Variants in IFT81 observed in about 807,000 individuals in gnomAD.
IFT81 encodes the protein intraflagellar transport protein 81 homolog.
Under a neutral mutation model 102.6 loss-of-function variants are expected in IFT81, and 72 were observed. The observed-to-expected ratio is 0.70, with a 90% CI of 0.58 to 0.85. The LOEUF is 0.85. IFT81 is among the 40% of genes least tolerant of loss of function. The pLI is 0.00. For synonymous variants in IFT81, 237 were observed against 242.7 expected (o/e 0.98, Z 0.22); for missense variants, 723 against 787.3 (o/e 0.92, Z 0.98).
At chr12:110,127,906 G>T in intron 2 of IFT81, 140 bp from the exon 3 acceptor site, 1 of 623,044 alleles carries the variant, frequency 1.6e-6, no homozygotes. Context: ...CTTGGAATCT[G>T]GGGGCCTCCA....
At position 110,127,538 on chromosome 12, in the gene IFT81, C is replaced by G. The variant is rs553406226; in HGVS notation, c.144+14C>G. 12 of 1,576,796 alleles carry G rather than the reference C, an allele frequency of 7.6e-6. No homozygotes were observed. In the African/African-American group the frequency reaches 1.1e-4, roughly 14 times the overall value. On this transcript the variant is annotated intron_variant, in intron 2 of 18. Coordinates refer to ENST00000242591, the MANE Select transcript of IFT81 (RefSeq NM_014055.4). Reference sequence around the variant, plus strand: ...ATTGACCCAAAGGTAAGAGTTTTCTCTTTCTTTTTGATGGGTAGCAGAAAG... The same window carrying G: ...ATTGACCCAAAGGTAAGAGTTTTCTGTTTCTTTTTGATGGGTAGCAGAAAG...
chr12:110,183,371 A>T (rs1192886772), intron 12 of IFT81, among the ~76,000 whole-genome samples: 1 of 152,188 alleles, frequency 6.6e-6, no homozygotes, highest in Non-Finnish European at 1.5e-5. Flanking sequence ...TCCTCAAGGG[A>T]TGATTCCTTA....
At chr12:110,185,792 G>A (rs1897503184) in intron 12 of IFT81, among the ~76,000 whole-genome samples, 1 of 151,666 alleles carries the variant, frequency 6.6e-6, no homozygotes, top group African/African-American at 2.4e-5. Context: ...CAGACATGGG[G>A]TCTCACTATG....
At chr12:110,154,903 T>C (rs545766364) in intron 10 of IFT81, among the ~76,000 whole-genome samples, 20 of 151,394 alleles carry the variant, frequency 1.3e-4, no homozygotes, top group Non-Finnish European at 2.8e-4. Flanking sequence ...AGTTGATTTA[T>C]TTTGTTGTTT....
chr12:110,151,987 CCTT>C (rs1434690854), intron 10 of IFT81, among the ~76,000 whole-genome samples: 1 of 152,100 alleles, frequency 6.6e-6, no homozygotes, highest in Non-Finnish European at 1.5e-5. Flanking sequence ...GACAGGATTT[CCTT>C]CTTTTTTAAG....
chr12:110,170,784 T>C (rs552032655), intron 11 of IFT81, among the ~76,000 whole-genome samples: 2 of 152,228 alleles, frequency 1.3e-5, no homozygotes, highest in Non-Finnish European at 2.9e-5. Flanking sequence ...CTCAGCTGTT[T>C]TGTAGTTACA....
chr12:110,135,971 T>G (rs1485673527), intron 7 of IFT81, among the ~76,000 whole-genome samples: 1 of 152,210 alleles, frequency 6.6e-6, no homozygotes, highest in Admixed American at 6.5e-5. Context: ...GGCCTATGCT[T>G]ACCTCGTGTT....
At chr12:110,170,799 C>G (rs1366066486) in intron 11 of IFT81, among the ~76,000 whole-genome samples, 1 of 152,304 alleles carries the variant, frequency 6.6e-6, no homozygotes, top group Middle Eastern at 3.4e-3. Context: ...GTTACAGCTA[C>G]TTTTAAAATA....
At chr12:110,185,814 G>A (rs147010902) in intron 12 of IFT81, among the ~76,000 whole-genome samples, 76 of 151,332 alleles carry the variant, frequency 5.0e-4, no homozygotes, top group African/African-American at 1.8e-3. Context: ...TGTCCAGGCT[G>A]GCCTCAAACT....
intron 5 of IFT81, among the ~76,000 whole-genome samples, chr12:110,133,886 T>G (rs1291477009): frequency 6.6e-6 from 1 of 152,270 alleles, no homozygotes; most frequent in Non-Finnish European, 1.5e-5. Flanking sequence ...ATTTCCAAAT[T>G]GTAGATGTAA....
Position 110,136,254 on chromosome 12 carries a change from A to G in IFT81, c.697-522A>G, listed in dbSNP as rs1296460546. ...TTTTACTTATTAAAAATCTATTTTA[A>G]AATCTGAGTAGACTTATACATTAAA... On this transcript the variant is annotated intron_variant, in intron 7 of 18. Transcript: ENST00000242591. Among the ~76,000 whole-genome samples, 4 of 152,252 alleles carry G rather than the reference A, an allele frequency of 2.6e-5. No individual in the cohort carries two copies. The East Asian group carries it at 7.7e-4, about 29-fold the overall frequency.
At chr12:110,162,248 C>T (rs901707186) in intron 10 of IFT81, 1 of 151,440 alleles carries the variant, frequency 6.6e-6, no homozygotes, top group African/African-American at 2.4e-5. Flanking sequence ...ATACGGTAGA[C>T]TTGGTGTTAC....
intron 7 of IFT81, among the ~76,000 whole-genome samples, chr12:110,136,087 C>T (rs563009212): frequency 8.6e-4 from 131 of 152,180 alleles, no homozygotes; most frequent in Non-Finnish European, 1.5e-3. Context: ...GGCTATGAGA[C>T]CATTCTTTTT....
chr12:110,173,203 G>A (rs1316428705), intron 11 of IFT81, among the ~76,000 whole-genome samples: 1 of 148,672 alleles, frequency 6.7e-6, no homozygotes, highest in Non-Finnish European at 1.5e-5. Context: ...CGCCCCGTCC[G>A]GGAGGGAGGT....
At chr12:110,139,854 A>AATAAAATAAAAT (rs1217128612) in intron 8 of IFT81, among the ~76,000 whole-genome samples, 1 of 108,276 alleles carries the variant, frequency 9.2e-6, no homozygotes, top group African/African-American at 3.6e-5. Flanking sequence ...AAATAAATAA[A>AATAAAATAAAAT]ATAAAATAAA....
rs112432090 is a variant in IFT81, at chr12:110,160,592, A to G, written c.1042-2327A>G. Among the ~76,000 whole-genome samples, 1,377 of 152,320 alleles carry G rather than the reference A, an allele frequency of 9.0e-3. 4 individuals carry two copies. The highest frequency in any genetic ancestry group is 9.5e-3 in the Non-Finnish European group (643 of 68,014). On this transcript the variant is annotated intron_variant, in intron 10 of 18. Transcript: ENST00000242591. ...GTGGGTCTTTGTCTTCCAGTCCACT[A>G]ACTCAAATGTCAGTCTCCTCTGGCA...
chr12:110,128,806 A>C, intron 3 of IFT81, 144 bp from the exon 4 acceptor site: 1 of 620,358 alleles, frequency 1.6e-6, no homozygotes, highest in Non-Finnish European at 2.7e-6. Context: ...AAAAAAAAAA[A>C]AAAAGATTCC....
Position 110,129,059 on chromosome 12 carries a change from C to A in IFT81, c.358C>A (p.Arg120Ser). ...ACTGAAGAAAAGAGCATATTTAGCT[C>A]GTTTTTTAATAAAACTTGAGGTACC... is the stretch of plus-strand genomic sequence containing the variant. ...NELKKRAYLA[R>S]FLIKLEVPSE... Residue 120 changes from arginine to serine, a missense_variant, in exon 4 of 19, where the codon CGT (arginine) becomes AGT (serine). Physicochemically the swap from Arg to Ser is moderately radical, Grantham distance 110. Coordinates refer to ENST00000242591, the MANE Select transcript of IFT81 (RefSeq NM_014055.4). The A allele has an allele frequency of 6.2e-7, 1 of 1,605,440 alleles. No individual in the cohort carries two copies. Among genetic ancestry groups the A allele is most frequent in the South Asian group, 1.1e-5 (1 of 88,804 alleles).
rs147927497 is a variant in IFT81 at position 110,192,933 on chromosome 12, A to C, written c.1557+227A>C. ...TCCCAGCACTTTGGGAGGTTGAGACAGGAGGATGATCACTTGAGCCCAGGA... is the reference window on the plus strand; with the variant it reads ...TCCCAGCACTTTGGGAGGTTGAGACCGGAGGATGATCACTTGAGCCCAGGA... On this transcript the variant is annotated intron_variant, in intron 14 of 18. Transcript: ENST00000242591. Among the ~76,000 whole-genome samples the C allele has an allele frequency of 9.2e-3, 1,407 of 152,280 alleles. 19 individuals are homozygous for C. The highest frequency in any genetic ancestry group is 0.031 in the African/African-American group (1,306 of 41,566).
Sources: allele counts gnomAD v4.1 joint callset (sites outside exome capture counted in the v4.1 genomes callset), GRCh38; gene constraint gnomAD v4.1.1; transcripts MANE v1.5; gene names NCBI Gene and HGNC (gene_info 2026-07-23, HGNC 2026-07-21).